The following CEP57L1 variants were observed in gnomAD, a reference collection of about 807,000 sequenced individuals.
The protein encoded by CEP57L1 is centrosomal protein CEP57L1.
CEP57L1 carries 37 observed loss-of-function variants against 61.0 expected under a neutral mutation model. The observed-to-expected ratio is 0.61, with a 90% CI of 0.47 to 0.80. The LOEUF (loss-of-function observed/expected upper bound fraction) is 0.80. CEP57L1 is among the 30% of genes least tolerant of loss of function. CEP57L1 has a pLI of 0.00. For missense variants in CEP57L1, 422 were observed against 524.7 expected (o/e 0.80, Z 1.91); for synonymous variants, 137 against 162.3 (o/e 0.84, Z 1.19).
At chr6:109,147,095 AAGATAC>A (rs1414656191) in intron 3 of CEP57L1, among the ~76,000 whole-genome samples, 158 bp downstream of exon 3, 5 of 152,132 alleles carry the variant, frequency 3.3e-5, no homozygotes, top group Non-Finnish European at 5.9e-5. Context: ...TTGTGAGAAA[AAGATAC>A]AGTTTTGAAC....
In CEP57L1 at chr6:109,167,735, G is replaced by T. The variant is rs143221827; in HGVS notation, c.*4765G>T. Among the ~76,000 whole-genome samples the T allele has an allele frequency of 2.0e-5, 3 of 152,126 alleles. No individual in the cohort carries two copies. The highest frequency in any genetic ancestry group is 2.9e-5 in the Non-Finnish European group (2 of 68,008). ...GGAATAGCCCAGTATTGTTTGTTTG[G>T]GGAGGGGCAGGGTGTGGTTCCACCA... is the stretch of plus-strand genomic sequence containing the variant. On this transcript the variant is annotated 3_prime_UTR_variant, in exon 11 of 11. Coordinates refer to ENST00000517392, the MANE Select transcript of CEP57L1 (RefSeq NM_001271852.3).
Position 109,145,219 on chromosome 6 carries a change from A to G in CEP57L1, c.-3A>G. The G allele has an allele frequency of 1.9e-6, 3 of 1,556,468 alleles. No individual in the cohort carries two copies. Among genetic ancestry groups the G allele is most frequent in the African/African-American group, 1.4e-5 (1 of 73,166 alleles). ...TATATCATTCCTTTATTCTCTACAG[A>G]TAATGGATTCTGAATTAATGCATAG... On this transcript the variant is annotated splice_region_variant and 5_prime_UTR_variant, in exon 2 of 11. Transcript: ENST00000517392.
Position 109,173,035 on chromosome 6 carries a change from T to G in CEP57L1, c.*10065T>G, listed in dbSNP as rs940774578. ...TACTTTAATGAGATGTGTGGCATGG[T>G]GATGGTTACAAAAGTGATTTGTTAA... On this transcript the variant is annotated 3_prime_UTR_variant, in exon 11 of 11. Transcript: ENST00000517392. Among the ~76,000 whole-genome samples, 1 of 152,212 alleles carries G rather than the reference T, an allele frequency of 6.6e-6. No homozygotes were observed. Among genetic ancestry groups the G allele is most frequent in the Non-Finnish European group, 1.5e-5 (1 of 68,036 alleles).
chr6:109,123,141 A>G (rs142965516), intron 1 of CEP57L1, among the ~76,000 whole-genome samples: 4 of 152,298 alleles, frequency 2.6e-5, no homozygotes, highest in Non-Finnish European at 4.4e-5. Context: ...TGCATACTCT[A>G]TATCTAACTC....
At chr6:109,161,959 T>C (rs1230693745) in intron 10 of CEP57L1, among the ~76,000 whole-genome samples, 1 of 152,122 alleles carries the variant, frequency 6.6e-6, no homozygotes, top group African/African-American at 2.4e-5. Context: ...GTGAAATAGC[T>C]TAAGTAATGG....
intron 3 of CEP57L1, among the ~76,000 whole-genome samples, chr6:109,148,458 T>C (rs1772214916): frequency 6.6e-6 from 1 of 152,210 alleles, no homozygotes; most frequent in African/African-American, 2.4e-5. Context: ...TCATCCTTTT[T>C]TATGGCTGCA....
At chr6:109,137,819 TAAC>T (rs1463506893) in intron 1 of CEP57L1, among the ~76,000 whole-genome samples, 1 of 152,082 alleles carries the variant, frequency 6.6e-6, no homozygotes, top group Non-Finnish European at 1.5e-5. Flanking sequence ...AGAAGACAAA[TAAC>T]AAAACAATTC....
chr6:109,137,866 T>C (rs1206753744), intron 1 of CEP57L1, among the ~76,000 whole-genome samples: 1 of 152,142 alleles, frequency 6.6e-6, no homozygotes, highest in Non-Finnish European at 1.5e-5. Flanking sequence ...AGAAATGGGA[T>C]ACAAAGTGCT....
At chr6:109,111,235 C>G (rs992202279) in intron 1 of CEP57L1, among the ~76,000 whole-genome samples, 1 of 152,050 alleles carries the variant, frequency 6.6e-6, no homozygotes, top group East Asian at 1.9e-4. Context: ...TTGAAGAGGT[C>G]GTTTACATCC....
At chr6:109,103,174 CTCTT>C (rs1350822288) in intron 1 of CEP57L1, among the ~76,000 whole-genome samples, 6 of 152,096 alleles carry the variant, frequency 3.9e-5, no homozygotes, top group South Asian at 2.1e-4. Flanking sequence ...CTTAAAATAT[CTCTT>C]TCTATGATAA....
In CEP57L1 at chr6:109,171,773, G is replaced by A. The variant is rs1243107317; in HGVS notation, c.*8803G>A. 6.6e-6 allele frequency among the ~76,000 whole-genome samples: 1 copy of A among 152,148 alleles called. No homozygotes were observed. Among genetic ancestry groups the A allele is most frequent in the Non-Finnish European group, 1.5e-5 (1 of 68,034 alleles). The stretch of plus-strand genomic sequence containing the variant: ...AAGTTTAGTTATTCTTTTCATGGTG[G>A]AAAACAGTTTCCTCAGATAATCATC... On this transcript the variant is annotated 3_prime_UTR_variant, in exon 11 of 11. Transcript: ENST00000517392.
chr6:109,165,636 C>A lies in CEP57L1; in HGVS notation c.*2666C>A, dbSNP rs1200069838. On this transcript the variant is annotated 3_prime_UTR_variant, in exon 11 of 11. Transcript: ENST00000517392. ...CTGTCATTGTGCTGAAACATGTAAC[C>A]ACACACAGCAAATAGGTTTGGAGTA... is the stretch of plus-strand genomic sequence containing the variant. Among the ~76,000 whole-genome samples the A allele has an allele frequency of 6.6e-6, 1 of 152,146 alleles. No homozygotes were observed. The highest frequency in any genetic ancestry group is 1.5e-5 in the Non-Finnish European group (1 of 68,040).
At chr6:109,123,671 C>T (rs1030649257) in intron 1 of CEP57L1, among the ~76,000 whole-genome samples, 5 of 152,166 alleles carry the variant, frequency 3.3e-5, no homozygotes, top group East Asian at 1.9e-4. Context: ...TTCCCTGTCA[C>T]GAGTTTTCCT....
intron 1 of CEP57L1, among the ~76,000 whole-genome samples, chr6:109,122,569 G>A (rs1450419080): frequency 1.3e-5 from 2 of 152,040 alleles, no homozygotes; most frequent in African/African-American, 4.8e-5. Flanking sequence ...TTGGGAGGCC[G>A]AGGTGGGAGG....
At chr6:109,116,961 G>A (rs1361432347) in intron 1 of CEP57L1, among the ~76,000 whole-genome samples, 1 of 152,106 alleles carries the variant, frequency 6.6e-6, no homozygotes, top group African/African-American at 2.4e-5. Context: ...ATTTATACAA[G>A]CATGGTACAG....
At chr6:109,117,595 T>A (rs1772453638) in intron 1 of CEP57L1, among the ~76,000 whole-genome samples, 1 of 152,208 alleles carries the variant, frequency 6.6e-6, no homozygotes, top group Non-Finnish European at 1.5e-5. Flanking sequence ...TGTTTTCCCC[T>A]GAGACTGTGA....
At chr6:109,159,223 CA>C (rs1427763591) in intron 8 of CEP57L1, 45 bp from the exon 9 acceptor site, 1 of 1,613,970 alleles carries the variant, frequency 6.2e-7, no homozygotes, top group East Asian at 2.2e-5. Context: ...ATAAGTCTAC[CA>C]GTGCAAGCTG....
intron 3 of CEP57L1, among the ~76,000 whole-genome samples, chr6:109,148,553 G>A (rs907954915): frequency 6.6e-6 from 1 of 152,054 alleles, no homozygotes; most frequent in Non-Finnish European, 1.5e-5. Flanking sequence ...AGTCTTTGCT[G>A]TTGTGAATAG....
At chr6:109,113,858 C>T (rs545545688) in intron 1 of CEP57L1, among the ~76,000 whole-genome samples, 3 of 152,044 alleles carry the variant, frequency 2.0e-5, no homozygotes, top group Non-Finnish European at 4.4e-5. Context: ...AAGATGTTGT[C>T]CCTGCTCTTA....
Sources: allele counts gnomAD v4.1 joint callset (sites outside exome capture counted in the v4.1 genomes callset), GRCh38; gene constraint gnomAD v4.1.1; transcripts MANE v1.5; gene names NCBI Gene and HGNC (gene_info 2026-07-23, HGNC 2026-07-21).